The following UNC79 variants were observed in gnomAD, a reference collection of about 807,000 sequenced individuals.
The protein encoded by UNC79 is protein unc-79 homolog.
UNC79 carries 37 observed loss-of-function variants against 283.1 expected under a neutral mutation model. The observed-to-expected ratio is 0.13, with a 90% CI of 0.10 to 0.17. The LOEUF is 0.17. UNC79 is among the 10% of genes least tolerant of loss of function. The pLI, the probability that UNC79 is intolerant of heterozygous loss-of-function variation, is 1.00. For synonymous variants in UNC79, 1,107 were observed against 1,200.2 expected (o/e 0.92, Z 1.61); for missense variants, 2,272 against 3,211.1 (o/e 0.71, Z 7.07).
intron 1 of UNC79, among the ~76,000 whole-genome samples, chr14:93,358,367 A>G (rs1187557967): frequency 1.3e-5 from 2 of 152,214 alleles, no homozygotes; most frequent in African/African-American, 2.4e-5. Flanking sequence ...TGATGAACTC[A>G]GGGATTCTAA....
intron 30 of UNC79, among the ~76,000 whole-genome samples, chr14:93,630,364 T>G (rs2067926017): frequency 6.6e-6 from 1 of 152,210 alleles, no homozygotes; most frequent in Non-Finnish European, 1.5e-5. Context: ...GAAGCCTCCC[T>G]AAAGGAGGAA....
intron 18 of UNC79, among the ~76,000 whole-genome samples, chr14:93,578,806 A>G (rs2063614132): frequency 6.6e-6 from 1 of 152,214 alleles, no homozygotes. Context: ...TTGAAAATTG[A>G]TATAATAATA....
intron 1 of UNC79, among the ~76,000 whole-genome samples, chr14:93,453,619 C>T (rs1365794151): frequency 6.6e-6 from 1 of 152,226 alleles, no homozygotes; most frequent in Non-Finnish European, 1.5e-5. Context: ...AGTGCAAGCT[C>T]ATAAGTCGCT....
In UNC79 at chr14:93,617,436, C is replaced by A; in HGVS notation, c.4224+132C>A. On this transcript the variant is annotated intron_variant, in intron 28 of 48. Transcript: ENST00000555664. This position sits in a 1 kb window ranked among gnomAD's most constrained non-coding sequence, Gnocchi z 4.5. The stretch of plus-strand genomic sequence containing the variant: ...CCTTCAGAAGGAAGATCAGGATATG[C>A]AATTACTGTTAAGAACCAAAGAGCT... 1.1e-6 allele frequency: 1 copy of A among 932,104 alleles called. No individual in the cohort carries two copies. The allele number at this position is 932,104 out of a possible 1,614,324, so 57.7% of individuals were successfully genotyped here. A position where few individuals can be genotyped will look rare whatever the true frequency, so the allele number is the denominator to read the frequency against.
intron 22 of UNC79, among the ~76,000 whole-genome samples, chr14:93,591,381 C>G (rs147414822): frequency 9.2e-4 from 140 of 152,248 alleles, no homozygotes; most frequent in African/African-American, 3.0e-3. Flanking sequence ...TTCTCTTCCC[C>G]AAAACTTAAC....
At position 93,471,675 on chromosome 14, in the gene UNC79, A is replaced by C. The variant is rs79300227; in HGVS notation, c.144-2414A>C. On this transcript the variant is annotated intron_variant, in intron 2 of 48. Coordinates refer to ENST00000555664, the Ensembl canonical transcript of UNC79. ...CTTCTTAAGTTTTTCCACAAATGAA[A>C]ACATTTCCTTACATTGAGACATGAA... Among the ~76,000 whole-genome samples the C allele has an allele frequency of 9.7e-3, 1,476 of 152,228 alleles. 25 individuals are homozygous for C. The highest frequency in any genetic ancestry group is 0.034 in the African/African-American group (1,394 of 41,548).
At chr14:93,646,528 A>G (rs2069623986) in intron 34 of UNC79, 80 bp from the exon 38 acceptor site, 1 of 1,426,902 alleles carries the variant, frequency 7.0e-7, no homozygotes, top group Non-Finnish European at 9.8e-7. Flanking sequence ...TGGAAACACA[A>G]CAGGTCCTCC....
chr14:93,408,825 CAG>C (rs1476298293), intron 1 of UNC79, among the ~76,000 whole-genome samples: 1 of 152,176 alleles, frequency 6.6e-6, no homozygotes, highest in Non-Finnish European at 1.5e-5. Context: ...GAGGGGAAGA[CAG>C]GGTATATGGG....
intron 1 of UNC79, among the ~76,000 whole-genome samples, chr14:93,366,076 A>G (rs2054325243): frequency 6.6e-6 from 1 of 152,220 alleles, no homozygotes; most frequent in African/African-American, 2.4e-5. Flanking sequence ...ATGAAACAAC[A>G]CTTTCAAAGA....
intron 17 of UNC79, 118 bp from the exon 18 acceptor site, chr14:93,577,723 GT>G: frequency 1.0e-6 from 1 of 989,842 alleles, no homozygotes; most frequent in Admixed American, 2.2e-5. Context: ...AATGCCATTG[GT>G]TAAGGAAAGA....
intron 14 of UNC79, among the ~76,000 whole-genome samples, chr14:93,553,231 T>C (rs1436458837): frequency 6.6e-6 from 1 of 152,202 alleles, no homozygotes; most frequent in East Asian, 1.9e-4. Flanking sequence ...TTGTTAAAAG[T>C]TGTAAATGGT....
At chr14:93,591,110 A>C (rs2064640934) in intron 22 of UNC79, among the ~76,000 whole-genome samples, 1 of 152,158 alleles carries the variant, frequency 6.6e-6, no homozygotes, top group African/African-American at 2.4e-5. Context: ...TCTGACTTCC[A>C]CTTATTTAGA....
At chr14:93,667,676 C>T (rs912598042) in intron 40 of UNC79, among the ~76,000 whole-genome samples, 1 of 152,148 alleles carries the variant, frequency 6.6e-6, no homozygotes, top group Non-Finnish European at 1.5e-5. Context: ...CACTTCCCAA[C>T]ACATTTCATG....
At chr14:93,614,629 T>A (rs947749088) in intron 27 of UNC79, among the ~76,000 whole-genome samples, 2 of 147,032 alleles carry the variant, frequency 1.4e-5, no homozygotes, top group African/African-American at 5.2e-5. Flanking sequence ...ACTGTTTGTG[T>A]GTGTTTAAAA....
chr14:93,663,060 G>T lies in UNC79; in HGVS notation c.6636+346G>T, dbSNP rs149014567. Among the ~76,000 whole-genome samples the T allele has an allele frequency of 6.2e-4, 94 of 152,258 alleles. 1 individual carries two copies. The highest frequency in any genetic ancestry group is 8.5e-4 in the Non-Finnish European group (58 of 68,014). Reference sequence around the variant, plus strand: ...AGTTCATCATCCCATGATTAGTGGGGCAAGGCATCTCTACATATCATTTTT... The same window carrying T: ...AGTTCATCATCCCATGATTAGTGGGTCAAGGCATCTCTACATATCATTTTT... On this transcript the variant is annotated intron_variant, in intron 40 of 48. Coordinates refer to ENST00000555664, the Ensembl canonical transcript of UNC79.
intron 1 of UNC79, among the ~76,000 whole-genome samples, chr14:93,383,899 T>C (rs2054714862): frequency 2.7e-5 from 1 of 37,420 alleles, no homozygotes; most frequent in Non-Finnish European, 4.6e-5. Context: ...AAAACATGAG[T>C]TTCCCTGCAC....
At chr14:93,595,722 C>T (rs1005812049) in intron 23 of UNC79, among the ~76,000 whole-genome samples, 5 of 152,120 alleles carry the variant, frequency 3.3e-5, no homozygotes, top group Non-Finnish European at 7.4e-5. Flanking sequence ...TTTATGTATC[C>T]CCGGATCTCC....
At chr14:93,558,364 G>C (rs2062308186) in intron 14 of UNC79, among the ~76,000 whole-genome samples, 1 of 152,048 alleles carries the variant, frequency 6.6e-6, no homozygotes, top group African/African-American at 2.4e-5. Context: ...AGACCATCCT[G>C]GCTAACACGG....
chr14:93,700,214 A>G (rs902813334), intron 47 of UNC79, among the ~76,000 whole-genome samples: 1 of 151,460 alleles, frequency 6.6e-6, no homozygotes, highest in African/African-American at 2.4e-5. Context: ...CTTTGCCACT[A>G]TGGTTAAGCA....
Sources: allele counts gnomAD v4.1 joint callset (sites outside exome capture counted in the v4.1 genomes callset), GRCh38; gene constraint gnomAD v4.1.1; non-coding constraint Gnocchi (gnomAD v3.1); transcripts MANE v1.5; gene names NCBI Gene and HGNC (gene_info 2026-07-23, HGNC 2026-07-21).